The following SMG8 variants were observed in gnomAD, a reference collection of about 807,000 sequenced individuals.
SMG8 encodes nonsense-mediated mRNA decay factor SMG8.
SMG8 carries 49 observed loss-of-function variants against 82.1 expected under a neutral mutation model. The observed-to-expected ratio is 0.60, with a 90% confidence interval of 0.47 to 0.76. The LOEUF (loss-of-function observed/expected upper bound fraction) is 0.76, where lower values mean the gene tolerates loss of function less well. Ranked by LOEUF, SMG8 falls within the 30% of genes least tolerant of loss-of-function variation. The pLI is 0.00. For synonymous variants in SMG8, 404 were observed against 430.0 expected, an observed-to-expected ratio of 0.94 and a Z score of 0.75; for missense variants, 969 against 1,166.4, an observed-to-expected ratio of 0.83 and a Z score of 2.46.
At chr17:59,214,379 A>G (rs114107611) in intron 3 of SMG8, among the ~76,000 whole-genome samples, 5,074 of 152,110 alleles carry the variant, frequency 0.033, 318 homozygotes, top group African/African-American at 0.12. Flanking sequence ...GAGTGTACCC[A>G]TATCTGCTTA....
At position 59,212,495 on chromosome 17, in the gene SMG8, T is replaced by A. The variant is rs112560185; in HGVS notation, c.1905+9T>A. 1.9e-4 allele frequency: 307 copies of A among 1,587,634 alleles called. No homozygotes were observed. In the African/African-American group the frequency reaches 3.7e-3, roughly 19 times the overall value. On this transcript the variant is annotated intron_variant, in intron 2 of 3. Transcript: ENST00000300917. The stretch of plus-strand genomic sequence containing the variant: ...ATTATGACTTCTATCAGGTAGACTC[T>A]GAATTTTTTCTTCTTCCTCTTCTGT...
chr17:59,211,691 ACG>A lies in SMG8; in HGVS notation c.1642_1643del (p.Ala548HisfsTer5). On this transcript the variant is annotated frameshift_variant, in exon 1 of 4. Coordinates refer to ENST00000300917, the MANE Select transcript of SMG8 (RefSeq NM_018149.7). LOFTEE classifies it high-confidence loss of function. ...GCTAGAGGTCCAGCATTTCACAAATACGCCATGCAGTTACATGAGGACTGCTA... is the reference window on the plus strand; with the variant it reads ...GCTAGAGGTCCAGCATTTCACAAATACCATGCAGTTACATGAGGACTGCTA... 1 of 1,614,160 alleles carries A rather than the reference ACG, an allele frequency of 6.2e-7. No individual in the cohort carries two copies. The highest frequency in any genetic ancestry group is 8.5e-7 in the Non-Finnish European group (1 of 1,180,044).
In SMG8 at chr17:59,212,381, T is replaced by A; in HGVS notation, c.1800T>A (p.Tyr600Ter). 1 of 1,601,530 alleles carries A rather than the reference T, an allele frequency of 6.2e-7. No homozygotes were observed. The highest frequency in any genetic ancestry group is 1.7e-4 in the Middle Eastern group (1 of 6,022). The change falls in exon 2 of 4, where the codon TAT becomes TAA. Residue 600 changes from tyrosine to a stop codon, truncating the protein, a stop_gained. Transcript: ENST00000300917. LOFTEE classifies it high-confidence loss of function. ...PEADRNPPVL[Y>*]HNSRARSTGA... ...CTGATAGAAATCCGCCTGTGCTATATCACAATAGCCGAGCTCGATCTACTG... is the reference window on the plus strand; with the variant it reads ...CTGATAGAAATCCGCCTGTGCTATAACACAATAGCCGAGCTCGATCTACTG...
In SMG8 at chr17:59,212,326, T is replaced by C. The variant is rs752579015; in HGVS notation, c.1760-15T>C. ...TTGTGTTTATGAAATTAATAGTGGC[T>C]GTTATATTTTCCAGGAGAAAAACCA... On this transcript the variant is annotated splice_polypyrimidine_tract_variant and intron_variant, in intron 1 of 3. Coordinates refer to ENST00000300917, the MANE Select transcript of SMG8 (RefSeq NM_018149.7). 1.8e-5 allele frequency: 28 copies of C among 1,552,254 alleles called. No individual in the cohort carries two copies. The highest frequency in any genetic ancestry group is 2.5e-5 in the Non-Finnish European group (28 of 1,139,130).
chr17:59,214,860 C>T lies in SMG8; in HGVS notation c.2834C>T (p.Thr945Ile), dbSNP rs141773415. 89 of 873,002 alleles carry T rather than the reference C, an allele frequency of 1.0e-4. No individual in the cohort carries two copies. The highest frequency in any genetic ancestry group is 1.5e-4 in the Non-Finnish European group (77 of 501,682). The allele number at this position is 873,002 out of a possible 1,614,324, so 54.1% of individuals were successfully genotyped here. ...PVFYPEKQEI[T>I]LPPDGLWVLR... is the part of the protein sequence containing the mutation. ...TTCTACCCAGAAAAACAAGAAATCA[C>T]CCTTCCACCTGATGGCCTTTGGGTT... is the stretch of plus-strand genomic sequence containing the variant. The change falls in exon 4 of 4, where the codon ACC (threonine) becomes ATC (isoleucine). Residue 945 changes from threonine to isoleucine, a missense_variant. Thr to Ile is a moderately conservative substitution (Grantham distance 89). Transcript: ENST00000300917.
At position 59,213,020 on chromosome 17, in the gene SMG8, A is replaced by G; in HGVS notation, c.2197A>G (p.Arg733Gly). 1.2e-6 allele frequency: 2 copies of G among 1,614,182 alleles called. No individual in the cohort carries two copies. Among genetic ancestry groups the G allele is most frequent in the Non-Finnish European group, 1.7e-6 (2 of 1,180,032 alleles). ...HGQVEVKTEK[R>G]PNFVDRQAST... The stretch of plus-strand genomic sequence containing the variant: ...TCAAGTAGAAGTGAAAACTGAGAAG[A>G]GGCCAAACTTCGTTGATCGACAGGC... Residue 733 changes from arginine to glycine, a missense_variant, in exon 3 of 4, where the codon AGG (arginine) becomes GGG (glycine). This residue lies in a region of SMG8 where 662 missense variants were observed against 884.8 expected (regional missense o/e 0.75). Coordinates refer to ENST00000300917, the MANE Select transcript of SMG8 (RefSeq NM_018149.7).
rs140931963 is a variant in SMG8 at position 59,213,502 on chromosome 17, A to G, written c.2679A>G (p.Ser893=). The change falls in exon 3 of 4, where the codon TCA becomes TCG. Residue 893 remains serine, a synonymous_variant. Coordinates refer to ENST00000300917, the MANE Select transcript of SMG8 (RefSeq NM_018149.7). ...LNSDMPLYIL[S]SSQGRGLKPH... is the part of the protein sequence containing the mutation. ...GTGACATGCCCTTATATATTCTGTC[A>G]TCCTCTCAAGGTAGAGGGCTGAAAC... is the stretch of plus-strand genomic sequence containing the variant. 1.3e-4 allele frequency: 214 copies of G among 1,614,108 alleles called. No homozygotes were observed. Among genetic ancestry groups the G allele is most frequent in the Non-Finnish European group, 1.8e-4 (210 of 1,180,040 alleles).
Position 59,213,237 on chromosome 17 carries a change from G to C in SMG8, c.2414G>C (p.Arg805Thr). The change falls in exon 3 of 4, where the codon AGA becomes ACA. Residue 805 changes from arginine (R) to threonine (T), a missense_variant. Arg to Thr is a moderately conservative substitution (Grantham distance 71, BLOSUM62 -1). This residue lies in a region of SMG8 where 662 missense variants were observed against 884.8 expected (regional missense o/e 0.75). Coordinates refer to ENST00000300917, the MANE Select transcript of SMG8 (RefSeq NM_018149.7). ...LMPWDIVIRT[R>T]AEDEGDLDTN... Reference sequence around the variant, plus strand: ...CCTTGGGACATTGTCATCAGGACTAGAGCTGAAGATGAAGGAGACTTAGAC... The same window carrying C: ...CCTTGGGACATTGTCATCAGGACTACAGCTGAAGATGAAGGAGACTTAGAC... 1 of 1,614,232 alleles carries C rather than the reference G, an allele frequency of 6.2e-7. No individual in the cohort carries two copies. Among genetic ancestry groups the C allele is most frequent in the Non-Finnish European group, 8.5e-7 (1 of 1,180,052 alleles).
At chr17:59,211,994 AT>A (rs1222237965) in intron 1 of SMG8, 184 bp downstream of exon 1, 51 of 507,508 alleles carry the variant, frequency 1.0e-4, no homozygotes, top group South Asian at 1.9e-4. Flanking sequence ...CTACTTTCTT[AT>A]TTTTTTTCAT....
At position 59,215,061 on chromosome 17, in the gene SMG8, G is replaced by C. The variant is rs1023116798; in HGVS notation, c.*59G>C. On this transcript the variant is annotated 3_prime_UTR_variant, in exon 4 of 4. Coordinates refer to ENST00000300917, the MANE Select transcript of SMG8 (RefSeq NM_018149.7). Reference sequence around the variant, plus strand: ...CTGGTTTTTGTTTTTGGTATTTGTGGCTGTGTTTTTGGTATGTGTTTACTG... The same window carrying C: ...CTGGTTTTTGTTTTTGGTATTTGTGCCTGTGTTTTTGGTATGTGTTTACTG... The C allele has an allele frequency of 1.2e-6, 1 of 845,678 alleles. No homozygotes were observed. The highest frequency in any genetic ancestry group is 1.7e-5 in the African/African-American group (1 of 60,590). The allele number at this position is 845,678 out of a possible 1,614,324, so 52.4% of individuals were successfully genotyped here.
In SMG8 at chr17:59,212,251, G is replaced by A. The variant is rs1295646124; in HGVS notation, c.1760-90G>A. 8.4e-6 allele frequency: 9 copies of A among 1,075,982 alleles called. No individual in the cohort carries two copies. The African/African-American group carries it at 1.4e-4, about 17-fold the overall frequency. The allele number at this position is 1,075,982 out of a possible 1,614,324, so 66.7% of individuals were successfully genotyped here. On this transcript the variant is annotated intron_variant, in intron 1 of 3. Coordinates refer to ENST00000300917, the MANE Select transcript of SMG8 (RefSeq NM_018149.7). ...CTTCTGTTATGTGTATTTAGGTAAG[G>A]TTTTTGTTTGTGGGGTTAGATGTTG... is the stretch of plus-strand genomic sequence containing the variant.
chr17:59,210,685 C>T lies in SMG8; in HGVS notation c.634C>T (p.Leu212=). 1 of 1,614,180 alleles carries T rather than the reference C, an allele frequency of 6.2e-7. No homozygotes were observed. Among genetic ancestry groups the T allele is most frequent in the East Asian group, 2.2e-5 (1 of 44,886 alleles). ...YLFSVCHILL[L]VHPTCSFDIT... ...ATTCTCTGTCTGTCATATCTTGCTTCTGGTCCATCCCACTTGTTCCTTTGA... is the reference window on the plus strand; with the variant it reads ...ATTCTCTGTCTGTCATATCTTGCTTTTGGTCCATCCCACTTGTTCCTTTGA... Residue 212 remains leucine (L), a synonymous_variant, in exon 1 of 4, where the codon CTG becomes TTG. Transcript: ENST00000300917.
At position 59,214,883 on chromosome 17, in the gene SMG8, G is replaced by A. The variant is rs774489601; in HGVS notation, c.2857G>A (p.Val953Ile). The A allele has an allele frequency of 4.6e-6, 4 of 872,970 alleles. No homozygotes were observed. The highest frequency in any genetic ancestry group is 3.4e-5 in the Admixed American group (2 of 59,176). The allele number at this position is 872,970 out of a possible 1,614,324, so 54.1% of individuals were successfully genotyped here. A position where few individuals can be genotyped will look rare whatever the true frequency, so the allele number is the denominator to read the frequency against. Residue 953 changes from valine to isoleucine, a missense_variant, in exon 4 of 4, where the codon GTT (valine) becomes ATT (isoleucine). Around this residue, in one of 3 missense-constraint regions of SMG8, gnomAD observed 101 missense variants for 91.1 expected, o/e 1.11. Transcript: ENST00000300917. Reference sequence around the variant, plus strand: ...CACCCTTCCACCTGATGGCCTTTGGGTTTTGAGATTTCCTTATGCATATGT... The same window carrying A: ...CACCCTTCCACCTGATGGCCTTTGGATTTTGAGATTTCCTTATGCATATGT... The part of the protein sequence containing the change: ...EITLPPDGLW[V>I]LRFPYAYVTE...
chr17:59,214,399 ATTC>A (rs1323497968), intron 3 of SMG8, among the ~76,000 whole-genome samples: 3 of 151,838 alleles, frequency 2.0e-5, no homozygotes, highest in Admixed American at 6.6e-5. Flanking sequence ...AATCTTATAT[ATTC>A]TTTTATTTAT....
At chr17:59,214,002 G>T (rs138313048) in intron 3 of SMG8, among the ~76,000 whole-genome samples, 78 of 152,178 alleles carry the variant, frequency 5.1e-4, no homozygotes, top group African/African-American at 1.8e-3. Context: ...TGGAGAAAAG[G>T]CCGGGTACAG....
At chr17:59,214,188 G>T (rs894127250) in intron 3 of SMG8, among the ~76,000 whole-genome samples, 4 of 152,040 alleles carry the variant, frequency 2.6e-5, no homozygotes, top group African/African-American at 9.7e-5. Flanking sequence ...GGAGGCTGAG[G>T]CAGGAGAATC....
rs2046962154 is a variant in SMG8 at position 59,215,203 on chromosome 17, A to G, written c.*201A>G. The G allele has an allele frequency of 2.0e-6, 1 of 508,788 alleles. No individual in the cohort carries two copies. The highest frequency in any genetic ancestry group is 3.1e-5 in the East Asian group (1 of 32,102). 31.5% of individuals were successfully genotyped at this position (508,788 alleles called of 1,614,324 possible). A position where few individuals can be genotyped will look rare whatever the true frequency, so the allele number is the denominator to read the frequency against. On this transcript the variant is annotated 3_prime_UTR_variant, in exon 4 of 4. Coordinates refer to ENST00000300917, the MANE Select transcript of SMG8 (RefSeq NM_018149.7). ...ATTGTAAACGTGACTACAACTTTCT[A>G]ATAAAGATTGGTTGTTCTAGAAAAG...
Position 59,213,517 on chromosome 17 carries a change from AG to A in SMG8, c.2697del (p.Leu900Ter), listed in dbSNP as rs1378003432. 6.2e-7 allele frequency: 1 copy of A among 1,614,108 alleles called. No individual in the cohort carries two copies. The highest frequency in any genetic ancestry group is 1.7e-5 in the Admixed American group (1 of 60,006). On this transcript the variant is annotated frameshift_variant, in exon 3 of 4. Coordinates refer to ENST00000300917, the MANE Select transcript of SMG8 (RefSeq NM_018149.7). LOFTEE classifies it high-confidence loss of function. ...LYILSSSQGR[G>X]LKPHYAQLMR... ...ATATTCTGTCATCCTCTCAAGGTAG[AG>A]GGCTGAAACCTCATTATGCTCAACT...
Position 59,210,392 on chromosome 17 carries a change from G to A in SMG8, c.341G>A (p.Gly114Asp), listed in dbSNP as rs541308207. Residue 114 changes from glycine (G) to aspartate (D), a missense_variant, in exon 1 of 4, where the codon GGT becomes GAT. Around this residue, in one of 3 missense-constraint regions of SMG8, gnomAD observed 206 missense variants for 190.5 expected, o/e 1.08. Coordinates refer to ENST00000300917, the MANE Select transcript of SMG8 (RefSeq NM_018149.7). ...GAEDPGAAAG[G>D]SVRGSGAVAE... ...GAGGACCCTGGGGCTGCAGCCGGGGGTTCAGTTCGGGGAAGTGGAGCTGTC... is the reference window on the plus strand; with the variant it reads ...GAGGACCCTGGGGCTGCAGCCGGGGATTCAGTTCGGGGAAGTGGAGCTGTC... The A allele has an allele frequency of 1.9e-6, 3 of 1,610,746 alleles. No homozygotes were observed. The highest frequency in any genetic ancestry group is 2.2e-5 in the East Asian group (1 of 44,858).
Sources: gnomAD v4.1 joint callset for allele counts (sites outside exome capture counted in the v4.1 genomes callset) on GRCh38, gnomAD v4.1.1 for gene constraint, gnomAD v4.1.1 regional missense constraint, MANE v1.5 for transcripts, NCBI Gene and HGNC (gene_info 2026-07-23, HGNC 2026-07-21) for gene names.